Variants in MNAT1 observed in about 807,000 individuals in gnomAD.
MNAT1 encodes the protein CDK-activating kinase assembly factor MAT1.
MNAT1 carries 43 observed loss-of-function variants against 42.0 expected under a neutral mutation model. The ratio of observed to expected loss-of-function variants is 1.02; its 90% confidence interval spans 0.80 to 1.32. The LOEUF is 1.32. Among genes scored for constraint, MNAT1 ranks in the 40% most tolerant of loss-of-function variants. The pLI is 0.00. For missense variants in MNAT1, 306 were observed against 350.4 expected (o/e 0.87, Z 1.01); for synonymous variants, 118 against 120.0 (o/e 0.98, Z 0.11).
chr14:60,924,228 A>T (rs1020011033), intron 7 of MNAT1, among the ~76,000 whole-genome samples: 7 of 152,160 alleles, frequency 4.6e-5, no homozygotes, highest in African/African-American at 1.4e-4. Flanking sequence ...AGAGAGTAAT[A>T]ATAGCCTGTT....
At position 60,818,725 on chromosome 14, in the gene MNAT1, A is replaced by G. The variant is rs1242743853; in HGVS notation, c.565A>G (p.Ser189Gly). 1 of 1,598,768 alleles carries G rather than the reference A, an allele frequency of 6.3e-7. No homozygotes were observed. Among genetic ancestry groups the G allele is most frequent in the Non-Finnish European group, 8.5e-7 (1 of 1,171,792 alleles). Residue 189 changes from serine to glycine, a missense_variant, in exon 6 of 8, where the codon AGT (serine) becomes GGT (glycine). This residue lies in a region of MNAT1 where 118 missense variants were observed against 99.8 expected (regional missense o/e 1.18). Transcript: ENST00000261245. ...TGAACTTGAACTATTCTTACAGGAGAGTTCTGATCTCCCTGTTGCTCTGCT... is the reference window on the plus strand; with the variant it reads ...TGAACTTGAACTATTCTTACAGGAGGGTTCTGATCTCCCTGTTGCTCTGCT... ...NKQAFLDELE[S>G]SDLPVALLLA...
chr14:60,961,113 C>T (rs2036581974), intron 7 of MNAT1, among the ~76,000 whole-genome samples: 1 of 152,162 alleles, frequency 6.6e-6, no homozygotes, highest in Admixed American at 6.5e-5. Context: ...CAGGCATGCG[C>T]CTCTGTGTCC....
intron 7 of MNAT1, among the ~76,000 whole-genome samples, chr14:60,935,147 T>C (rs2035966740): frequency 1.3e-5 from 2 of 152,206 alleles, no homozygotes. Flanking sequence ...TAAGTTTTTG[T>C]TGATGCTGTC....
At chr14:60,809,257 A>G (rs2032470514) in intron 4 of MNAT1, among the ~76,000 whole-genome samples, 1 of 152,076 alleles carries the variant, frequency 6.6e-6, no homozygotes, top group Non-Finnish European at 1.5e-5. Flanking sequence ...TGGATCACAT[A>G]GCTTATATTT....
intron 7 of MNAT1, among the ~76,000 whole-genome samples, chr14:60,931,548 TA>T (rs1019627680): frequency 6.6e-6 from 1 of 152,226 alleles, no homozygotes; most frequent in African/African-American, 2.4e-5. Context: ...GATTCTGTGA[TA>T]ACAAAGCCCA....
At position 60,734,779 on chromosome 14, in the gene MNAT1, A is replaced by G. The variant is rs537546125; in HGVS notation, c.-84A>G. 2 of 1,289,434 alleles carry G rather than the reference A, an allele frequency of 1.6e-6. No homozygotes were observed. The highest frequency in any genetic ancestry group is 2.2e-6 in the Non-Finnish European group (2 of 892,716). The allele number at this position is 1,289,434 out of a possible 1,614,324, so 79.9% of individuals were successfully genotyped here. On this transcript the variant is annotated 5_prime_UTR_variant, in exon 1 of 8. Coordinates refer to ENST00000261245, the MANE Select transcript of MNAT1 (RefSeq NM_002431.4). This position sits in a 1 kb window ranked among gnomAD's most constrained non-coding sequence, Gnocchi z 4.3. ...CTCTGCCAAGCGCCTGTTGGTAGGA[A>G]CCTGCTTGGTCGCGTCTGAGGGGGC... is the stretch of plus-strand genomic sequence containing the variant.
chr14:60,959,648 T>G (rs1181613520), intron 7 of MNAT1, among the ~76,000 whole-genome samples: 1 of 152,238 alleles, frequency 6.6e-6, no homozygotes, highest in African/African-American at 2.4e-5. Context: ...GTGTCATTAC[T>G]TATGGGAGTT....
At chr14:60,798,438 G>T (rs2032090815) in intron 3 of MNAT1, among the ~76,000 whole-genome samples, 1 of 152,256 alleles carries the variant, frequency 6.6e-6, no homozygotes, top group Middle Eastern at 3.4e-3. Context: ...ACATGCATCT[G>T]TGTGTTGATA....
At chr14:60,961,934 T>A (rs1029977615) in intron 7 of MNAT1, among the ~76,000 whole-genome samples, 13 of 152,212 alleles carry the variant, frequency 8.5e-5, no homozygotes, top group African/African-American at 1.4e-4. Flanking sequence ...CTAGGTTTTT[T>A]AAGGAATATT....
At chr14:60,779,528 C>T (rs776218962) in intron 1 of MNAT1, among the ~76,000 whole-genome samples, 5 of 152,130 alleles carry the variant, frequency 3.3e-5, no homozygotes, top group Admixed American at 2.0e-4. Flanking sequence ...GTGGCCCACA[C>T]CTGTAATCCC....
intron 6 of MNAT1, among the ~76,000 whole-genome samples, chr14:60,839,721 T>C (rs990378062): frequency 3.3e-5 from 5 of 152,242 alleles, no homozygotes; most frequent in Admixed American, 2.0e-4. Flanking sequence ...CATGTTCCTC[T>C]TGTCCAGACG....
intron 7 of MNAT1, among the ~76,000 whole-genome samples, chr14:60,949,299 T>C (rs2036338752): frequency 6.6e-6 from 1 of 152,148 alleles, no homozygotes; most frequent in African/African-American, 2.4e-5. Flanking sequence ...TGGCCTGTTT[T>C]GAACCTAAGG....
chr14:60,835,752 T>C (rs758048171), intron 6 of MNAT1, among the ~76,000 whole-genome samples: 22 of 152,308 alleles, frequency 1.4e-4, no homozygotes, highest in Non-Finnish European at 2.6e-4. Context: ...TGGTGGTCTC[T>C]GTATTTTCTG....
At chr14:60,752,028 A>T (rs1335658780) in intron 1 of MNAT1, among the ~76,000 whole-genome samples, 2 of 152,194 alleles carry the variant, frequency 1.3e-5, no homozygotes, top group African/African-American at 4.8e-5. Context: ...CTTGAAATTT[A>T]CCAATATTAG....
At chr14:60,901,432 A>T (rs2035070904) in intron 7 of MNAT1, among the ~76,000 whole-genome samples, 1 of 152,216 alleles carries the variant, frequency 6.6e-6, no homozygotes, top group Admixed American at 6.5e-5. Context: ...CCCATGGATC[A>T]AGGAGTAATT....
intron 6 of MNAT1, among the ~76,000 whole-genome samples, chr14:60,834,171 T>G (rs890447139): frequency 1.3e-5 from 2 of 152,212 alleles, no homozygotes; most frequent in African/African-American, 4.8e-5. Flanking sequence ...CTCTATCTCC[T>G]TTAGTTCTGC....
intron 6 of MNAT1, among the ~76,000 whole-genome samples, chr14:60,855,111 T>C (rs981817172): frequency 6.6e-6 from 1 of 152,170 alleles, no homozygotes; most frequent in African/African-American, 2.4e-5. Context: ...TCCTTAACAC[T>C]GTCAGGGAAA....
At chr14:60,913,879 C>T (rs542805652) in intron 7 of MNAT1, among the ~76,000 whole-genome samples, 6 of 152,312 alleles carry the variant, frequency 3.9e-5, no homozygotes, top group East Asian at 1.9e-4. Flanking sequence ...TTTAAGACTG[C>T]AGAGGTTATT....
At chr14:60,746,919 TATATACACACACACAC>T (rs1896642868) in intron 1 of MNAT1, among the ~76,000 whole-genome samples, 1 of 26,414 alleles carries the variant, frequency 3.8e-5, no homozygotes, top group African/African-American at 1.3e-4. Flanking sequence ...TATATATATA[TATATACACACACACAC>T]ACACACACAC....
Sources: allele counts gnomAD v4.1 joint callset (sites outside exome capture counted in the v4.1 genomes callset), GRCh38; gene constraint gnomAD v4.1.1; regional missense constraint gnomAD v4.1.1; non-coding constraint Gnocchi (gnomAD v3.1); transcripts MANE v1.5; gene names NCBI Gene and HGNC (gene_info 2026-07-23, HGNC 2026-07-21).